SMIM35: variants seen among roughly 807,000 people sequenced by gnomAD.
The protein encoded by SMIM35 is small integral membrane protein 35, also known as TMPRSS4 antisense RNA 1 (non-protein coding).
chr11:118,047,247 T>C (rs659092), intron 1 of SMIM35, among the ~76,000 whole-genome samples: 22,469 of 152,204 alleles, frequency 0.15, 1,770 homozygotes, highest in African/African-American at 0.18. Flanking sequence ...TTACACGTGG[T>C]CTGTGACATG....
At chr11:118,053,783 C>T (rs186663385) in intron 1 of SMIM35, among the ~76,000 whole-genome samples, 53 of 152,282 alleles carry the variant, frequency 3.5e-4, no homozygotes, top group African/African-American at 1.3e-3. Context: ...CCCAAAGACC[C>T]CCACCCCAGC....
At chr11:118,075,430 A>G (rs1944651531) in intron 1 of SMIM35, among the ~76,000 whole-genome samples, 1 of 152,202 alleles carries the variant, frequency 6.6e-6, no homozygotes, top group Non-Finnish European at 1.5e-5. Flanking sequence ...CTGCTCAGAC[A>G]TCACTGGGGT....
intron 1 of SMIM35, among the ~76,000 whole-genome samples, chr11:118,084,907 A>C (rs903245890): frequency 1.3e-5 from 2 of 152,322 alleles, no homozygotes; most frequent in South Asian, 4.1e-4. Context: ...CTCAGAGTTC[A>C]GGAGGAGCAG....
intron 1 of SMIM35, among the ~76,000 whole-genome samples, chr11:118,030,419 G>A (rs569218910): frequency 6.6e-6 from 1 of 152,256 alleles, no homozygotes; most frequent in African/African-American, 2.4e-5. Context: ...AAGGTTCTAA[G>A]AGAAAGAAAG....
chr11:118,025,670 T>C (rs1384373470), intron 1 of SMIM35: 1 of 447,172 alleles, frequency 2.2e-6, no homozygotes, highest in Non-Finnish European at 4.5e-6. Flanking sequence ...TTGCCCAAGT[T>C]CCTTATAGAT....
chr11:118,027,764 T>C (rs1296492432), intron 1 of SMIM35, among the ~76,000 whole-genome samples: 1 of 152,154 alleles, frequency 6.6e-6, no homozygotes, highest in Non-Finnish European at 1.5e-5. Flanking sequence ...ACATCCACAT[T>C]ATCCAAAAGC....
chr11:118,013,801 ACTT>A lies in SMIM35; in HGVS notation c.235_237del (p.Lys79del). ...CTGCATCAGACTAGCCCGTTGGAGA[ACTT>A]CATGTAGCCACCATCTGTGCTGCTG... On this transcript the variant is annotated inframe_deletion, in exon 4 of 5. Coordinates refer to ENST00000689828, the MANE Select transcript of SMIM35 (RefSeq NM_001394165.1). The A allele has an allele frequency of 2.5e-6, 1 of 398,928 alleles. No homozygotes were observed. The highest frequency in any genetic ancestry group is 4.4e-6 in the Non-Finnish European group (1 of 226,088). 24.7% of individuals were successfully genotyped at this position (398,928 alleles called of 1,614,324 possible). A position where few individuals can be genotyped will look rare whatever the true frequency, so the allele number is the denominator to read the frequency against.
chr11:118,042,191 G>T (rs975042986), intron 1 of SMIM35, among the ~76,000 whole-genome samples: 1 of 150,542 alleles, frequency 6.6e-6, no homozygotes, highest in African/African-American at 2.4e-5. Flanking sequence ...CAAAAAATTG[G>T]CATAAGATCA....
chr11:118,047,839 T>C (rs1944126059), intron 1 of SMIM35, among the ~76,000 whole-genome samples: 1 of 152,204 alleles, frequency 6.6e-6, no homozygotes, highest in African/African-American at 2.4e-5. Flanking sequence ...CCCTCCACAT[T>C]TGTCCCAGGG....
At chr11:118,025,594 T>C in intron 1 of SMIM35, 1 of 454,300 alleles carries the variant, frequency 2.2e-6, no homozygotes, top group South Asian at 1.6e-5. Flanking sequence ...TGTCTTCTTT[T>C]GAGAAGTGTC....
In SMIM35 at chr11:118,060,982, C is replaced by T. The variant is rs139888411; in HGVS notation, c.7+25769G>A. ...GCCCTGTGACCTCACATCACAGTGT[C>T]CTGGTTGCAGGTTGAGGAACTCCAG... On this transcript the variant is annotated intron_variant, in intron 1 of 4. Coordinates refer to ENST00000689828, the MANE Select transcript of SMIM35 (RefSeq NM_001394165.1). Among the ~76,000 whole-genome samples the T allele has an allele frequency of 2.1e-3, 327 of 152,362 alleles. 1 individual carries two copies. Among genetic ancestry groups the T allele is most frequent in the African/African-American group, 7.6e-3 (314 of 41,586 alleles).
In SMIM35 at chr11:118,006,207, A is replaced by C. The variant is rs886959354; in HGVS notation, c.*203T>G. The C allele has an allele frequency of 2.6e-5, 4 of 152,236 alleles. No homozygotes were observed. The highest frequency in any genetic ancestry group is 2.6e-4 in the Admixed American group (4 of 15,284). 9.4% of individuals were successfully genotyped at this position (152,236 alleles called of 1,614,324 possible). A position where few individuals can be genotyped will look rare whatever the true frequency, so the allele number is the denominator to read the frequency against. On this transcript the variant is annotated 3_prime_UTR_variant, in exon 5 of 5. Coordinates refer to ENST00000689828, the MANE Select transcript of SMIM35 (RefSeq NM_001394165.1). Reference sequence around the variant, plus strand: ...AGGGACACCCCGCACATGGTATGCTATAATATGCGAATGGCCGGATGGACT... The same window carrying C: ...AGGGACACCCCGCACATGGTATGCTCTAATATGCGAATGGCCGGATGGACT...
intron 1 of SMIM35, among the ~76,000 whole-genome samples, chr11:118,064,675 G>A (rs554191328): frequency 6.6e-6 from 1 of 151,406 alleles, no homozygotes. Context: ...ACAGGTTCTC[G>A]CTTTGTTGCC....
In SMIM35 at chr11:118,005,292, A is replaced by G. The variant is rs1260532721; in HGVS notation, c.*1118T>C. 2.6e-5 allele frequency: 4 copies of G among 152,346 alleles called. No individual in the cohort carries two copies. In the East Asian group the frequency reaches 7.7e-4, roughly 29 times the overall value. 9.4% of individuals were successfully genotyped at this position (152,346 alleles called of 1,614,324 possible). A position where few individuals can be genotyped will look rare whatever the true frequency, so the allele number is the denominator to read the frequency against. On this transcript the variant is annotated 3_prime_UTR_variant, in exon 5 of 5. Coordinates refer to ENST00000689828, the MANE Select transcript of SMIM35 (RefSeq NM_001394165.1). Reference sequence around the variant, plus strand: ...ACCACATTGCAGGTGATTCCAGCACACACTGAGTCACCTCTTTAAGGAACA... The same window carrying G: ...ACCACATTGCAGGTGATTCCAGCACGCACTGAGTCACCTCTTTAAGGAACA...
intron 1 of SMIM35, among the ~76,000 whole-genome samples, chr11:118,026,209 T>C (rs555852388): frequency 1.8e-4 from 27 of 152,334 alleles, no homozygotes; most frequent in African/African-American, 6.5e-4. Flanking sequence ...GTAGTATAGT[T>C]TGAAGTTGGG....
chr11:118,029,787 C>G (rs566845252), intron 1 of SMIM35: 21 of 457,202 alleles, frequency 4.6e-5, no homozygotes, highest in African/African-American at 3.6e-4. Flanking sequence ...AGGTCCTCCC[C>G]CAGGCTCTAT....
intron 1 of SMIM35, among the ~76,000 whole-genome samples, chr11:118,064,071 A>G (rs1252787274): frequency 1.3e-5 from 2 of 152,156 alleles, no homozygotes; most frequent in East Asian, 3.9e-4. Flanking sequence ...CAACCATAGG[A>G]TCTGTTGCTA....
chr11:118,027,678 G>T (rs1385361630), intron 1 of SMIM35, among the ~76,000 whole-genome samples: 4 of 152,132 alleles, frequency 2.6e-5, no homozygotes, highest in Admixed American at 6.5e-5. Flanking sequence ...TCCTGAAGAC[G>T]CCCCTCATCC....
intron 1 of SMIM35, among the ~76,000 whole-genome samples, chr11:118,062,490 G>C (rs1944406564): frequency 6.6e-6 from 1 of 152,214 alleles, no homozygotes; most frequent in Non-Finnish European, 1.5e-5. Context: ...GGTGACAACT[G>C]CCTCTGATGC....
Sources: allele counts gnomAD v4.1 joint callset (sites outside exome capture counted in the v4.1 genomes callset), GRCh38; gene constraint gnomAD v4.1.1; transcripts MANE v1.5; gene names NCBI Gene and HGNC (gene_info 2026-07-23, HGNC 2026-07-21).